The following NMNAT2 variants were observed in gnomAD, a reference collection of about 807,000 sequenced individuals.
NMNAT2 encodes the protein nicotinamide nucleotide adenylyltransferase 2, also known as nicotinamide/nicotinic acid mononucleotide adenylyltransferase 2.
A neutral mutation model predicts 41.6 loss-of-function variants in NMNAT2; 11 were observed. The ratio of observed to expected loss-of-function variants is 0.26; its 90% CI spans 0.17 to 0.44. The LOEUF is 0.44. Ranked by LOEUF, NMNAT2 falls within the 20% of genes least tolerant of loss-of-function variation. NMNAT2 has a pLI of 1.00. For missense variants in NMNAT2, 288 were observed against 407.7 expected (o/e 0.71, Z 2.53); for synonymous variants, 148 against 151.2 (o/e 0.98, Z 0.16).
chr1:183,320,541 G>A (rs1233102673), intron 1 of NMNAT2, among the ~76,000 whole-genome samples: 1 of 152,220 alleles, frequency 6.6e-6, no homozygotes, highest in Non-Finnish European at 1.5e-5. Context: ...AGGAGGCAGA[G>A]GTTGTAGTGA....
At chr1:183,416,009 T>C (rs983122012) in intron 1 of NMNAT2, among the ~76,000 whole-genome samples, 1 of 152,254 alleles carries the variant, frequency 6.6e-6, no homozygotes, top group Non-Finnish European at 1.5e-5. Context: ...TCAGTTCTTA[T>C]ACTAAGTAAA....
intron 1 of NMNAT2, among the ~76,000 whole-genome samples, chr1:183,319,198 A>C (rs1211966885): frequency 6.6e-6 from 1 of 152,144 alleles, no homozygotes; most frequent in Non-Finnish European, 1.5e-5. Flanking sequence ...ACCCCAAAAA[A>C]TCTGCTCCGG....
intron 1 of NMNAT2, among the ~76,000 whole-genome samples, chr1:183,389,808 GAAAGAAAGAAAGAA>G (rs1648400973): frequency 1.6e-5 from 1 of 61,538 alleles, no homozygotes; most frequent in African/African-American, 5.5e-5. Context: ...AAGAAAGAAA[GAAAGAAAGAAAGAA>G]AGAAAGAAAG....
intron 1 of NMNAT2, among the ~76,000 whole-genome samples, chr1:183,335,607 C>T (rs776027253): frequency 9.2e-5 from 14 of 152,210 alleles, no homozygotes; most frequent in South Asian, 2.1e-4. Context: ...TATATAATGC[C>T]TTCCTAAAGC....
At chr1:183,355,395 G>T (rs1663162528) in intron 1 of NMNAT2, among the ~76,000 whole-genome samples, 1 of 152,148 alleles carries the variant, frequency 6.6e-6, no homozygotes, top group African/African-American at 2.4e-5. Context: ...CAAATGATTG[G>T]GCGGCACTCC....
At chr1:183,332,691 A>C (rs900869835) in intron 1 of NMNAT2, among the ~76,000 whole-genome samples, 16 of 151,942 alleles carry the variant, frequency 1.1e-4, no homozygotes, top group Non-Finnish European at 1.3e-4. Context: ...GACTGGCAAC[A>C]TGCTAGCCAA....
chr1:183,385,549 G>A (rs1648211495), intron 1 of NMNAT2, among the ~76,000 whole-genome samples: 1 of 151,890 alleles, frequency 6.6e-6, no homozygotes, highest in South Asian at 2.1e-4. Context: ...GTGTGGCCTG[G>A]CACCATCACA....
chr1:183,407,980 A>G (rs916740348), intron 1 of NMNAT2, among the ~76,000 whole-genome samples: 4 of 152,228 alleles, frequency 2.6e-5, no homozygotes, highest in Non-Finnish European at 5.9e-5. Context: ...CATCCCCACC[A>G]TGAACATGGC....
At chr1:183,405,884 T>C (rs1243620115) in intron 1 of NMNAT2, among the ~76,000 whole-genome samples, 3 of 152,224 alleles carry the variant, frequency 2.0e-5, no homozygotes, top group Non-Finnish European at 2.9e-5. Context: ...CAGTGTGTGG[T>C]TGACATCTCA....
At chr1:183,350,277 A>G (rs1663018588) in intron 1 of NMNAT2, among the ~76,000 whole-genome samples, 1 of 152,168 alleles carries the variant, frequency 6.6e-6, no homozygotes, top group South Asian at 2.1e-4. Flanking sequence ...GTGCAGGAGA[A>G]CAAGGGAGTC....
At chr1:183,296,993 G>A (rs1383132414) in intron 1 of NMNAT2, among the ~76,000 whole-genome samples, 3 of 151,790 alleles carry the variant, frequency 2.0e-5, no homozygotes, top group Non-Finnish European at 2.9e-5. Flanking sequence ...TCTGGCCCTT[G>A]GCAGTCACAG....
In NMNAT2 at chr1:183,316,579, C is replaced by A. The variant is rs368424672; in HGVS notation, c.86-22786G>T. On this transcript the variant is annotated intron_variant, in intron 1 of 10. Coordinates refer to ENST00000287713, the MANE Select transcript of NMNAT2 (RefSeq NM_015039.4). ...GAGCCAGGGCTCGCCAGCCCCCCAC[C>A]AGGCACCTCGGTCCCCTGAGCTGTC... is the stretch of plus-strand genomic sequence containing the variant. 9.2e-5 allele frequency among the ~76,000 whole-genome samples: 14 copies of A among 152,316 alleles called. No individual in the cohort carries two copies. In the East Asian group the frequency reaches 1.9e-3, roughly 21 times the overall value.
chr1:183,313,011 A>C (rs1662159081), intron 1 of NMNAT2, among the ~76,000 whole-genome samples: 2 of 152,178 alleles, frequency 1.3e-5, no homozygotes, highest in Non-Finnish European at 2.9e-5. Flanking sequence ...TTTCCAATGA[A>C]GCCCAATTCC....
chr1:183,331,501 C>T (rs1048394360), intron 1 of NMNAT2, among the ~76,000 whole-genome samples: 5 of 152,242 alleles, frequency 3.3e-5, no homozygotes, highest in African/African-American at 4.8e-5. Context: ...CCAAGGGAAT[C>T]AGGAGCCTGG....
rs145378179 is a variant in NMNAT2 at position 183,377,999 on chromosome 1, C to A, written c.85+40184G>T. ...ACAGTGGGTTCTTCAGTAGACTTAA[C>A]ATAGCTGATGGAAGAATCAGTAAAT... is the stretch of plus-strand genomic sequence containing the variant. On this transcript the variant is annotated intron_variant, in intron 1 of 10. Transcript: ENST00000287713. Among the ~76,000 whole-genome samples the A allele has an allele frequency of 8.5e-5, 13 of 152,258 alleles. No homozygotes were observed. The South Asian group carries it at 2.7e-3, about 32-fold the overall frequency.
intron 10 of NMNAT2, among the ~76,000 whole-genome samples, chr1:183,258,996 C>A (rs1048007988): frequency 2.0e-5 from 3 of 152,210 alleles, no homozygotes; most frequent in Non-Finnish European, 4.4e-5. Flanking sequence ...ATTACTCTTT[C>A]TCTATTGCAA....
At chr1:183,332,960 G>T (rs1185040688) in intron 1 of NMNAT2, among the ~76,000 whole-genome samples, 1 of 152,210 alleles carries the variant, frequency 6.6e-6, no homozygotes, top group African/African-American at 2.4e-5. Flanking sequence ...AGCTCTCAGA[G>T]ATGATGATCT....
intron 1 of NMNAT2, among the ~76,000 whole-genome samples, chr1:183,338,149 T>TAAAAAAAAAAAAAA (rs59064477): frequency 1.0e-5 from 1 of 96,398 alleles, no homozygotes; most frequent in Admixed American, 1.3e-4. Flanking sequence ...CCCATCTCTT[T>TAAAAAAAAAAAAAA]AAAAAAAAAA....
chr1:183,270,136 G>A (rs952130019), intron 8 of NMNAT2, among the ~76,000 whole-genome samples: 7 of 152,070 alleles, frequency 4.6e-5, no homozygotes, highest in Non-Finnish European at 8.8e-5. Flanking sequence ...CACCCATCTC[G>A]GCCTCCCAAA....
Sources: allele counts gnomAD v4.1 joint callset (sites outside exome capture counted in the v4.1 genomes callset), GRCh38; gene constraint gnomAD v4.1.1; transcripts MANE v1.5; gene names NCBI Gene and HGNC (gene_info 2026-07-23, HGNC 2026-07-21).